The following TSPAN18 variants were observed in gnomAD, a reference collection of about 807,000 sequenced individuals.
TSPAN18 encodes the protein tetraspanin-18.
In TSPAN18, 14 loss-of-function variants were observed where a neutral mutation model predicts 27.3. The ratio of observed to expected loss-of-function variants is 0.51; its 90% CI spans 0.34 to 0.80. The LOEUF (loss-of-function observed/expected upper bound fraction) is 0.80. Ranked by LOEUF, TSPAN18 falls within the 30% of genes least tolerant of loss-of-function variation. The pLI, the probability that TSPAN18 is intolerant of heterozygous loss-of-function variation, is 0.01. For missense variants in TSPAN18, 268 were observed against 323.9 expected (o/e 0.83, Z 1.32); for synonymous variants, 143 against 136.5 (o/e 1.05, Z -0.33).
chr11:44,887,352 G>T (rs189396281), intron 3 of TSPAN18, among the ~76,000 whole-genome samples: 72 of 152,366 alleles, frequency 4.7e-4, no homozygotes, highest in Non-Finnish European at 9.6e-4. Flanking sequence ...CTGGCCTGTA[G>T]AAAGTGCTTC....
chr11:44,823,078 C>A (rs1219132285), intron 2 of TSPAN18, among the ~76,000 whole-genome samples: 1 of 152,222 alleles, frequency 6.6e-6, no homozygotes, highest in African/African-American at 2.4e-5. Flanking sequence ...GTCATCACTT[C>A]ATTCATTACA....
chr11:44,811,580 C>T (rs906102357), intron 2 of TSPAN18, among the ~76,000 whole-genome samples: 10 of 151,968 alleles, frequency 6.6e-5, no homozygotes, highest in Admixed American at 3.3e-4. Flanking sequence ...CTGCCTCAGC[C>T]TCCCGAGAAG....
chr11:44,902,086 C>T (rs866648298), intron 3 of TSPAN18, among the ~76,000 whole-genome samples: 4 of 152,128 alleles, frequency 2.6e-5, no homozygotes, highest in African/African-American at 9.7e-5. Context: ...TAGAAAGCTC[C>T]GGGGTGCAAG....
intron 2 of TSPAN18, among the ~76,000 whole-genome samples, chr11:44,786,921 C>T (rs775405423): frequency 1.1e-4 from 17 of 152,100 alleles, no homozygotes; most frequent in Admixed American, 2.0e-4. Flanking sequence ...CATGAGCCAC[C>T]GCTCCTGGCC....
At chr11:44,835,049 T>A (rs1857236702) in intron 2 of TSPAN18, among the ~76,000 whole-genome samples, 2 of 152,054 alleles carry the variant, frequency 1.3e-5, no homozygotes, top group South Asian at 4.1e-4. Context: ...ACCCTGAGGG[T>A]GGGGGAGGGA....
chr11:44,787,156 A>G (rs542880225), intron 2 of TSPAN18, among the ~76,000 whole-genome samples: 73 of 152,336 alleles, frequency 4.8e-4, no homozygotes, highest in Middle Eastern at 3.4e-3. Flanking sequence ...CAACTCTTGA[A>G]AAACAGTGAT....
intron 3 of TSPAN18, among the ~76,000 whole-genome samples, chr11:44,871,295 C>T (rs868278526): frequency 1.3e-4 from 20 of 152,208 alleles, no homozygotes; most frequent in South Asian, 1.0e-3. Flanking sequence ...AGGCCATCTT[C>T]GCCTTGTATC....
At position 44,919,935 on chromosome 11, in the gene TSPAN18, G is replaced by A. The variant is rs201702352; in HGVS notation, c.551G>A (p.Arg184Gln). The A allele has an allele frequency of 4.7e-5, 76 of 1,614,078 alleles. 1 individual carries two copies. The highest frequency in any genetic ancestry group is 4.5e-4 in the South Asian group (41 of 91,074). The change falls in exon 8 of 10, where the codon CGG (arginine) becomes CAG (glutamine). Residue 184 changes from arginine (R) to glutamine (Q), a missense_variant. Arg to Gln is a conservative substitution (Grantham distance 43). Transcript: ENST00000520358. ...EACCRREPQS[R>Q]DGVLLSREEC... ...TGCTGCCGGAGGGAACCCCAAAGTC[G>A]GGACGGGGTCCTGCTGAGCCGGGAG... is the stretch of plus-strand genomic sequence containing the variant.
chr11:44,904,955 T>G (rs2135322381), intron 3 of TSPAN18, among the ~76,000 whole-genome samples: 1 of 152,194 alleles, frequency 6.6e-6, no homozygotes, highest in South Asian at 2.1e-4. Context: ...GTCATCAGAG[T>G]ACATACCTCC....
At chr11:44,839,802 G>A (rs1857334909) in intron 2 of TSPAN18, among the ~76,000 whole-genome samples, 1 of 152,166 alleles carries the variant, frequency 6.6e-6, no homozygotes. Flanking sequence ...GGACAGAGAA[G>A]GCCAGTGGCT....
At chr11:44,913,434 T>C (rs1859795931) in intron 5 of TSPAN18, among the ~76,000 whole-genome samples, 1 of 152,268 alleles carries the variant, frequency 6.6e-6, no homozygotes, top group African/African-American at 2.4e-5. Context: ...CAGCCTCCTA[T>C]TGAAAATTTG....
At chr11:44,786,961 C>T (rs1223936614) in intron 2 of TSPAN18, among the ~76,000 whole-genome samples, 1 of 152,244 alleles carries the variant, frequency 6.6e-6, no homozygotes, top group Non-Finnish European at 1.5e-5. Flanking sequence ...ACCCTTGCTC[C>T]ATTTTCCTCT....
At chr11:44,776,281 G>T (rs867154451) in intron 2 of TSPAN18, among the ~76,000 whole-genome samples, 4 of 152,212 alleles carry the variant, frequency 2.6e-5, no homozygotes, top group Admixed American at 1.3e-4. Flanking sequence ...GGGAAAGATT[G>T]GCCCGAGTCA....
chr11:44,873,570 G>A (rs544779650), intron 3 of TSPAN18, among the ~76,000 whole-genome samples: 3 of 152,348 alleles, frequency 2.0e-5, no homozygotes. Context: ...ATTTTACAGG[G>A]CTTAAGTCTA....
In TSPAN18 at chr11:44,860,321, C is replaced by G. The variant is rs1199667386; in HGVS notation, c.-152-7C>G. ...TAATCACGGCTGCTTCTGCTTCCCT[C>G]TCACAGGTGAGCATCTCCTGGACCA... On this transcript the variant is annotated splice_region_variant and splice_polypyrimidine_tract_variant and intron_variant, in intron 2 of 9. Transcript: ENST00000520358. 2 of 152,188 alleles carry G rather than the reference C, an allele frequency of 1.3e-5. No homozygotes were observed. Among genetic ancestry groups the G allele is most frequent in the African/African-American group, 4.8e-5 (2 of 41,450 alleles). The allele number at this position is 152,188 out of a possible 1,614,324, so 9.4% of individuals were successfully genotyped here. A position where few individuals can be genotyped will look rare whatever the true frequency, so the allele number is the denominator to read the frequency against.
chr11:44,879,138 A>G (rs1388973962), intron 3 of TSPAN18, among the ~76,000 whole-genome samples: 2 of 152,184 alleles, frequency 1.3e-5, no homozygotes, highest in South Asian at 2.1e-4. Flanking sequence ...CGCAAATGAT[A>G]TAGTTGCTCC....
rs759675373 is a variant in TSPAN18, at chr11:44,931,450, A to T, written c.*2272A>T. On this transcript the variant is annotated 3_prime_UTR_variant, in exon 10 of 10. Transcript: ENST00000520358. ...CCCACAGAAGTCAGAGGGAGGACCC[A>T]AGAGAAAGGGCTGGTCATGAAGGGA... is the stretch of plus-strand genomic sequence containing the variant. 4 of 154,784 alleles carry T rather than the reference A, an allele frequency of 2.6e-5. No homozygotes were observed. The highest frequency in any genetic ancestry group is 6.4e-5 in the Admixed American group (1 of 15,686). The allele number at this position is 154,784 out of a possible 1,614,324, so 9.6% of individuals were successfully genotyped here. A position where few individuals can be genotyped will look rare whatever the true frequency, so the allele number is the denominator to read the frequency against.
At chr11:44,773,636 C>T (rs1348838407) in intron 2 of TSPAN18, among the ~76,000 whole-genome samples, 1 of 152,168 alleles carries the variant, frequency 6.6e-6, no homozygotes, top group Non-Finnish European at 1.5e-5. Context: ...GCTTCCACTG[C>T]CCCGCTCTTG....
chr11:44,743,591 C>T (rs896780306), intron 1 of TSPAN18, among the ~76,000 whole-genome samples: 5 of 152,188 alleles, frequency 3.3e-5, no homozygotes, highest in East Asian at 1.9e-4. Context: ...TTTGAGGCCT[C>T]GTGGGAAGAT....
Sources: allele counts gnomAD v4.1 joint callset (sites outside exome capture counted in the v4.1 genomes callset), GRCh38; gene constraint gnomAD v4.1.1; transcripts MANE v1.5; gene names NCBI Gene and HGNC (gene_info 2026-07-23, HGNC 2026-07-21).